GOLM2: variants seen among roughly 807,000 people sequenced by gnomAD.
The protein encoded by GOLM2 is protein GOLM2.
A neutral mutation model predicts 55.9 loss-of-function variants in GOLM2; 26 were observed. The observed-to-expected ratio is 0.47, with a 90% CI of 0.34 to 0.65. The LOEUF is 0.65. GOLM2 is among the 30% of genes least tolerant of loss of function. The probability of loss-of-function intolerance (pLI) is 0.01; values close to 1 mark genes in which losing one functional copy is unlikely to be tolerated. For synonymous variants in GOLM2, 165 were observed against 194.6 expected, an observed-to-expected ratio of 0.85 and a Z score of 1.27; for missense variants, 486 against 531.8, an observed-to-expected ratio of 0.91 and a Z score of 0.85.
rs146320939 is a variant in GOLM2, at chr15:44,402,432, T to G, written c.1073-455T>G. Among the ~76,000 whole-genome samples the G allele has an allele frequency of 1.8e-4, 28 of 151,904 alleles. No individual in the cohort carries two copies. The East Asian group carries it at 5.1e-3, about 27-fold the overall frequency. On this transcript the variant is annotated intron_variant, in intron 8 of 9. Coordinates refer to ENST00000299957, the MANE Select transcript of GOLM2 (RefSeq NM_138423.4). ...GTCTCAAACTCTTGAGCTCAAGCAA[T>G]CCACCTACCTCAGCCTCCCAAAGTT...
chr15:44,358,206 T>C (rs1012517409), intron 6 of GOLM2, among the ~76,000 whole-genome samples: 4 of 151,946 alleles, frequency 2.6e-5, no homozygotes, highest in Admixed American at 1.3e-4. Flanking sequence ...ATACAAAAAT[T>C]AGTTGGGTGT....
chr15:44,334,953 C>T (rs2079046489), intron 4 of GOLM2, among the ~76,000 whole-genome samples: 3 of 152,160 alleles, frequency 2.0e-5, no homozygotes, highest in Admixed American at 2.0e-4. Flanking sequence ...ATCCTTTGAA[C>T]TGGGGATATG....
intron 9 of GOLM2, chr15:44,409,569 T>TACAAC: frequency 1.1e-5 from 1 of 93,536 alleles, no homozygotes; most frequent in Non-Finnish European, 1.9e-5. Context: ...CAGGCTCGGC[T>TACAAC]ACAACAGCAA....
chr15:44,365,887 A>G (rs1220167681), intron 6 of GOLM2, among the ~76,000 whole-genome samples: 1 of 152,316 alleles, frequency 6.6e-6, no homozygotes, highest in East Asian at 1.9e-4. Context: ...TAACAAATGT[A>G]CCACTTTGGT....
intron 6 of GOLM2, among the ~76,000 whole-genome samples, chr15:44,360,489 A>G (rs1318609021): frequency 6.6e-6 from 1 of 152,252 alleles, no homozygotes; most frequent in Non-Finnish European, 1.5e-5. Context: ...GATCGATTCA[A>G]CAAGAAGAGC....
chr15:44,389,964 GCCACCAT>G (rs1595663620), intron 8 of GOLM2: 1 of 152,206 alleles, frequency 6.6e-6, no homozygotes, highest in Non-Finnish European at 1.5e-5. Context: ...ACAGGCATGA[GCCACCAT>G]TCCTGACCTC....
At chr15:44,299,535 C>T (rs994775113) in intron 1 of GOLM2, among the ~76,000 whole-genome samples, 4 of 151,878 alleles carry the variant, frequency 2.6e-5, no homozygotes, top group Non-Finnish European at 4.4e-5. Flanking sequence ...TCAGGTGATC[C>T]GCCCGCCTCG....
At chr15:44,295,680 A>C (rs1263006543) in intron 1 of GOLM2, among the ~76,000 whole-genome samples, 1 of 152,174 alleles carries the variant, frequency 6.6e-6, no homozygotes, top group East Asian at 1.9e-4. Flanking sequence ...TGCAGATGGC[A>C]ACCTTCTTGC....
intron 6 of GOLM2, among the ~76,000 whole-genome samples, chr15:44,343,188 C>T (rs777513533): frequency 3.3e-5 from 5 of 151,764 alleles, no homozygotes; most frequent in Non-Finnish European, 7.4e-5. Context: ...CAAAAATTAG[C>T]TGGGTGTGGT....
At position 44,380,946 on chromosome 15, in the gene GOLM2, A is replaced by G; in HGVS notation, c.1042A>G (p.Arg348Gly). The G allele has an allele frequency of 6.3e-7, 1 of 1,578,094 alleles. No homozygotes were observed. Among genetic ancestry groups the G allele is most frequent in the Non-Finnish European group, 8.6e-7 (1 of 1,164,712 alleles). The change falls in exon 8 of 10, where the codon AGA becomes GGA. Residue 348 changes from arginine to glycine, a missense_variant. By Grantham distance (125) the Arg-to-Gly change is moderately radical (BLOSUM62 -2). Transcript: ENST00000299957. Reference sequence around the variant, plus strand: ...TATACTAAAGCAGGCTACCAAGGACAGAGTCAGTGATTTCCATAAATTGAA... The same window carrying G: ...TATACTAAAGCAGGCTACCAAGGACGGAGTCAGTGATTTCCATAAATTGAA... ...TDILKQATKD[R>G]VSDFHKLKQS...
intron 6 of GOLM2, among the ~76,000 whole-genome samples, chr15:44,361,915 G>A (rs1214281158): frequency 6.6e-6 from 1 of 152,048 alleles, no homozygotes; most frequent in African/African-American, 2.4e-5. Context: ...ATGTAATCCA[G>A]CATATAAACA....
chr15:44,359,254 A>T (rs1449535088), intron 6 of GOLM2, among the ~76,000 whole-genome samples: 1 of 152,118 alleles, frequency 6.6e-6, no homozygotes, highest in Non-Finnish European at 1.5e-5. Flanking sequence ...GACATATCTG[A>T]TAAAAGATCT....
rs112768081 is a variant in GOLM2, at chr15:44,289,140, C to G, written c.111C>G (p.Ser37=). ...VLAFNYWSIS[S]RHVLLQEEVA... is the part of the protein sequence containing the mutation. ...CCTTCAACTACTGGAGCATCTCCTCCCGCCACGTCCTGCTTCAGGAGGAGG... is the reference window on the plus strand; with the variant it reads ...CCTTCAACTACTGGAGCATCTCCTCGCGCCACGTCCTGCTTCAGGAGGAGG... Residue 37 remains serine, a synonymous_variant, in exon 1 of 10, where the codon TCC becomes TCG. Coordinates refer to ENST00000299957, the MANE Select transcript of GOLM2 (RefSeq NM_138423.4). This position sits in a 1 kb window ranked among gnomAD's most constrained non-coding sequence, Gnocchi z 4.8. The G allele has an allele frequency of 4.1e-4, 661 of 1,614,194 alleles. 9 individuals are homozygous for G. The African/African-American group carries it at 7.0e-3, about 17-fold the overall frequency.
chr15:44,340,263 A>C (rs960194458), intron 6 of GOLM2, among the ~76,000 whole-genome samples: 9 of 151,942 alleles, frequency 5.9e-5, no homozygotes, highest in South Asian at 4.2e-4. Flanking sequence ...ATAGAGAGAG[A>C]GAGCCAAAAA....
At chr15:44,386,266 C>T (rs1417116938) in intron 8 of GOLM2, among the ~76,000 whole-genome samples, 1 of 152,026 alleles carries the variant, frequency 6.6e-6, no homozygotes, top group African/African-American at 2.4e-5. Flanking sequence ...ACCAGTTGTC[C>T]CAGCAACATT....
At chr15:44,398,761 G>C (rs1320820295) in intron 8 of GOLM2, among the ~76,000 whole-genome samples, 1 of 150,170 alleles carries the variant, frequency 6.7e-6, no homozygotes, top group Admixed American at 6.7e-5. Context: ...CCACCTCCCG[G>C]GTTCAAGCGA....
intron 9 of GOLM2, 77 bp downstream of exon 9, chr15:44,403,131 TC>T: frequency 6.5e-7 from 1 of 1,548,368 alleles, no homozygotes; most frequent in Non-Finnish European, 8.9e-7. Context: ...GTGTAGAATT[TC>T]CCCCACTTAT....
intron 4 of GOLM2, among the ~76,000 whole-genome samples, chr15:44,332,461 G>A (rs184066707): frequency 1.3e-5 from 2 of 151,984 alleles, no homozygotes; most frequent in Non-Finnish European, 2.9e-5. Flanking sequence ...GGAGGCTGAG[G>A]CAGGAGAACC....
intron 8 of GOLM2, among the ~76,000 whole-genome samples, chr15:44,395,712 C>T (rs151094289): frequency 1.6e-3 from 243 of 151,718 alleles, no homozygotes; most frequent in African/African-American, 5.6e-3. Context: ...TGGTGGTACG[C>T]GCCTGTAGTC....
Sources: gnomAD v4.1 joint callset for allele counts (sites outside exome capture counted in the v4.1 genomes callset) on GRCh38, gnomAD v4.1.1 for gene constraint, Gnocchi (gnomAD v3.1) non-coding constraint, MANE v1.5 for transcripts, NCBI Gene and HGNC (gene_info 2026-07-23, HGNC 2026-07-21) for gene names.